TNIP3: variants seen among roughly 807,000 people sequenced by gnomAD.
TNIP3 encodes TNFAIP3-interacting protein 3.
A neutral mutation model predicts 54.1 loss-of-function variants in TNIP3; 34 were observed. That is an observed-to-expected ratio of 0.63 (90% CI 0.48 to 0.84). The LOEUF is 0.84. Ranked by LOEUF, TNIP3 falls within the 40% of genes least tolerant of loss-of-function variation. TNIP3 has a pLI of 0.00. For missense variants in TNIP3, 366 were observed against 387.6 expected (o/e 0.94, Z 0.47); for synonymous variants, 134 against 136.8 (o/e 0.98, Z 0.14).
chr4:121,225,116 C>T lies in TNIP3; in HGVS notation c.3+2269G>A, dbSNP rs1161057163. On this transcript the variant is annotated intron_variant, in intron 1 of 12. Coordinates refer to the TNIP3 transcript ENST00000509841. ...TTAAGACTACATTACATCCTATATC[C>T]TTTCTTCTTGCAGAATTCATACATG... Among the ~76,000 whole-genome samples, 3 of 152,170 alleles carry T rather than the reference C, an allele frequency of 2.0e-5. No individual in the cohort carries two copies. In the East Asian group the frequency reaches 5.8e-4, roughly 29 times the overall value.
chr4:121,161,497 G>C (rs1408832171), intron 1 of TNIP3, among the ~76,000 whole-genome samples: 1 of 152,062 alleles, frequency 6.6e-6, no homozygotes, highest in Non-Finnish European at 1.5e-5. Flanking sequence ...GTAAGTCAGA[G>C]ATTAAAATTT....
At chr4:121,172,080 T>G (rs1723996772) in intron 3 of TNIP3, among the ~76,000 whole-genome samples, 1 of 152,170 alleles carries the variant, frequency 6.6e-6, no homozygotes, top group Non-Finnish European at 1.5e-5. Context: ...CCAAATTGCT[T>G]ACATTGAACA....
chr4:121,182,938 G>A, intron 2 of TNIP3: 1 of 786,722 alleles, frequency 1.3e-6, no homozygotes, highest in East Asian at 2.7e-5. Context: ...ATCTCATTAT[G>A]TTTTCATTAG....
chr4:121,222,368 C>T (rs1050206051), intron 1 of TNIP3, among the ~76,000 whole-genome samples: 2 of 152,090 alleles, frequency 1.3e-5, no homozygotes, highest in African/African-American at 4.8e-5. Flanking sequence ...CTTTTTCAAA[C>T]GTGTATTGGA....
rs754410428 is a variant in TNIP3 at position 121,184,588 on chromosome 4, A to G, written c.69-1792T>C. On this transcript the variant is annotated intron_variant, in intron 2 of 12. Coordinates refer to the TNIP3 transcript ENST00000507879. Reference sequence around the variant, plus strand: ...AATCAGCCCCTTCTAAGGCCTGACTACCTTCCAACTTTCAGATTCTGTGAA... The same window carrying G: ...AATCAGCCCCTTCTAAGGCCTGACTGCCTTCCAACTTTCAGATTCTGTGAA... Among the ~76,000 whole-genome samples, 5 of 152,156 alleles carry G rather than the reference A, an allele frequency of 3.3e-5. No homozygotes were observed. In the South Asian group the frequency reaches 6.2e-4, roughly 19 times the overall value.
chr4:121,159,593 G>A (rs1356172786), intron 2 of TNIP3, among the ~76,000 whole-genome samples: 1 of 152,162 alleles, frequency 6.6e-6, no homozygotes, highest in African/African-American at 2.4e-5. Flanking sequence ...GCAATAATGT[G>A]TTTTAAAAGA....
At chr4:121,191,076 T>C (rs1057445457) in intron 2 of TNIP3, among the ~76,000 whole-genome samples, 4 of 152,184 alleles carry the variant, frequency 2.6e-5, no homozygotes, top group African/African-American at 9.7e-5. Context: ...TCCTTGTTTT[T>C]GTTGTTTTTG....
intron 3 of TNIP3, among the ~76,000 whole-genome samples, chr4:121,173,168 T>C (rs945514876): frequency 2.4e-4 from 37 of 152,238 alleles, no homozygotes; most frequent in African/African-American, 8.9e-4. Context: ...CACCTAAAAA[T>C]TGTAGCAGGA....
intron 4 of TNIP3, among the ~76,000 whole-genome samples, chr4:121,155,098 G>T (rs1730006331): frequency 6.6e-6 from 1 of 151,994 alleles, no homozygotes; most frequent in Non-Finnish European, 1.5e-5. Flanking sequence ...TAGTAGCTGG[G>T]ATTATAGGTG....
rs141839585 is a variant in TNIP3 at position 121,208,966 on chromosome 4, G to A, written c.68+7449C>T. 8.5e-5 allele frequency among the ~76,000 whole-genome samples: 13 copies of A among 152,170 alleles called. No individual in the cohort carries two copies. The East Asian group carries it at 2.5e-3, about 29-fold the overall frequency. ...CATTCCCCAATCTCCAGGAAGGGGA[G>A]GGAGCTCCCCAATCTCCAGGAAGGG... On this transcript the variant is annotated intron_variant, in intron 2 of 12. Transcript: ENST00000507879.
Position 121,157,122 on chromosome 4 carries a change from A to T in TNIP3, c.335T>A (p.Leu112Gln). ...CTCCCGCTGCAGCCGGTCCCGGGTC[A>T]GGTCGCGCTGCCTGTCGTCCTCTCT... ...RQREDDRQRD[L>Q]TRDRLQREEK... The change falls in exon 4 of 11, where the codon CTG becomes CAG. Residue 112 changes from leucine (L) to glutamine (Q), a missense_variant. Transcript: ENST00000057513. 1 of 1,607,360 alleles carries T rather than the reference A, an allele frequency of 6.2e-7. No individual in the cohort carries two copies. Among genetic ancestry groups the T allele is most frequent in the Non-Finnish European group, 8.5e-7 (1 of 1,174,330 alleles).
Position 121,208,003 on chromosome 4 carries a change from G to A in TNIP3, c.68+8412C>T, listed in dbSNP as rs756988816. Among the ~76,000 whole-genome samples the A allele has an allele frequency of 2.6e-3, 390 of 152,254 alleles. 2 individuals are homozygous for A. Among genetic ancestry groups the A allele is most frequent in the Non-Finnish European group, 3.2e-3 (215 of 68,010 alleles). ...CTCCTGAAATCTGATGGTTTTATCAGGGGTTTCCGCTTTTGCATCTTCCTC... is the reference window on the plus strand; with the variant it reads ...CTCCTGAAATCTGATGGTTTTATCAAGGGTTTCCGCTTTTGCATCTTCCTC... On this transcript the variant is annotated intron_variant, in intron 2 of 12. Transcript: ENST00000507879.
chr4:121,165,320 G>A (rs1330589882), upstream of TNIP3, among the ~76,000 whole-genome samples: 1 of 151,826 alleles, frequency 6.6e-6, no homozygotes, highest in Non-Finnish European at 1.5e-5. Flanking sequence ...TTCCTGAAAT[G>A]AGTGAGATGG....
upstream of TNIP3, among the ~76,000 whole-genome samples, chr4:121,168,197 ATTTTTTCTTTC>A (rs1401585664): frequency 6.6e-6 from 1 of 151,654 alleles, no homozygotes; most frequent in Admixed American, 6.6e-5. Flanking sequence ...TAAACTTACC[ATTTTTTCTTTC>A]TTTTTTCTTT....
rs369213906 is a variant in TNIP3, at chr4:121,153,802, T to C, written c.492+749A>G. ...TTTCAAGTCCAATCACCTACTCTTG[T>C]TTCAGAAGACAATTTCTGTTGCTTT... On this transcript the variant is annotated intron_variant, in intron 5 of 10. Transcript: ENST00000057513. Among the ~76,000 whole-genome samples, 6 of 152,234 alleles carry C rather than the reference T, an allele frequency of 3.9e-5. No homozygotes were observed. In the East Asian group the frequency reaches 5.8e-4, roughly 15 times the overall value.
At chr4:121,141,693 T>C in intron 9 of TNIP3, 123 bp downstream of exon 9, 1 of 590,620 alleles carries the variant, frequency 1.7e-6, no homozygotes, top group Non-Finnish European at 2.6e-6. Flanking sequence ...CTTTGCAAGT[T>C]AGAGGCTGAG....
At chr4:121,175,589 C>G (rs745983002) in intron 3 of TNIP3, among the ~76,000 whole-genome samples, 13 of 152,208 alleles carry the variant, frequency 8.5e-5, no homozygotes, top group Non-Finnish European at 1.8e-4. Flanking sequence ...CAATCTGCAT[C>G]TCCCAGTTTT....
At chr4:121,164,443 A>G, upstream of TNIP3, 8 of 720,452 alleles carry the variant, frequency 1.1e-5, no homozygotes, top group Non-Finnish European at 1.4e-5. Context: ...TTGCTATAGT[A>G]TGTAAATCGT....
At chr4:121,222,971 A>C (rs1727102560) in intron 1 of TNIP3, among the ~76,000 whole-genome samples, 2 of 151,844 alleles carry the variant, frequency 1.3e-5, no homozygotes, top group Admixed American at 1.3e-4. Context: ...ACGCCCGCCT[A>C]ATTTTTAGTA....
Sources: gnomAD v4.1 joint callset for allele counts (sites outside exome capture counted in the v4.1 genomes callset) on GRCh38, gnomAD v4.1.1 for gene constraint, MANE v1.5 for transcripts, NCBI Gene and HGNC (gene_info 2026-07-23, HGNC 2026-07-21) for gene names.